Variants in MYOM2 observed in about 807,000 individuals in gnomAD.
MYOM2 encodes the protein myomesin 2.
MYOM2 carries 254 observed loss-of-function variants against 187.6 expected under a neutral mutation model. The ratio of observed to expected loss-of-function variants is 1.35; its 90% CI spans 1.22 to 1.50. The LOEUF is 1.50. Ranked by LOEUF, MYOM2 falls within the 40% of genes most tolerant of loss-of-function variation. MYOM2 has a pLI of 0.00. For missense variants in MYOM2, 2,796 were observed against 1,924.0 expected (o/e 1.45, Z -8.48); for synonymous variants, 981 against 753.8 (o/e 1.30, Z -4.94).
At chr8:2,111,270 T>A (rs534181550) in intron 25 of MYOM2, among the ~76,000 whole-genome samples, 1 of 152,240 alleles carries the variant, frequency 6.6e-6, no homozygotes, top group Non-Finnish European at 1.5e-5. Flanking sequence ...TGCTATTTTG[T>A]GGAAGACATA....
At position 2,109,493 on chromosome 8, in the gene MYOM2, C is replaced by T. The variant is rs140212457; in HGVS notation, c.3142C>T (p.Arg1048Ter). The change falls in exon 25 of 37, where the codon CGA (arginine) becomes TGA (stop). Residue 1048 changes from arginine to a stop codon, truncating the protein, a stop_gained. Coordinates refer to ENST00000262113, the MANE Select transcript of MYOM2 (RefSeq NM_003970.4). LOFTEE classifies it high-confidence loss of function. ...GCACTTATCACCAGATGCCAGCTAC[C>T]GATTTATTATTAACGACAGAGAAGT... ...AEHLSPDASYRFIINDREVSD... is the reference protein window; with the variant it reads ...AEHLSPDASY The T allele has an allele frequency of 3.2e-5, 51 of 1,613,068 alleles. No homozygotes were observed. In the East Asian group the frequency reaches 5.1e-4, roughly 16 times the overall value.
chr8:2,086,800 C>A (rs1266272133), intron 14 of MYOM2, among the ~76,000 whole-genome samples: 1 of 152,162 alleles, frequency 6.6e-6, no homozygotes, highest in East Asian at 1.9e-4. Flanking sequence ...ACATTCCAGG[C>A]GCCTACATGC....
chr8:2,099,567 CA>C (rs1216471997), intron 19 of MYOM2, among the ~76,000 whole-genome samples: 1 of 152,150 alleles, frequency 6.6e-6, no homozygotes, highest in Non-Finnish European at 1.5e-5. Context: ...TGCAGACCTG[CA>C]TTTATTTAGC....
intron 23 of MYOM2, among the ~76,000 whole-genome samples, chr8:2,107,546 G>C (rs995636339): frequency 6.6e-6 from 1 of 152,140 alleles, no homozygotes; most frequent in Non-Finnish European, 1.5e-5. Flanking sequence ...GGTATCCACG[G>C]AGGGGGAAGC....
rs546679235 is a variant in MYOM2 at position 2,071,544 on chromosome 8, A to G, written c.794-801A>G. 4.2e-4 allele frequency among the ~76,000 whole-genome samples: 64 copies of G among 152,270 alleles called. 1 individual carries two copies. The East Asian group carries it at 0.011, about 27-fold the overall frequency. Reference sequence around the variant, plus strand: ...GGAGGCAGCCGTGGCTTCCAAGTCCATGTGACTTGCCAGAAGCCACAGTCT... The same window carrying G: ...GGAGGCAGCCGTGGCTTCCAAGTCCGTGTGACTTGCCAGAAGCCACAGTCT... On this transcript the variant is annotated intron_variant, in intron 8 of 36. Transcript: ENST00000262113.
Position 2,141,059 on chromosome 8 carries a change from G to C in MYOM2, c.3965-82G>C, listed in dbSNP as rs1798257775. The C allele has an allele frequency of 2.8e-6, 4 of 1,414,752 alleles. No individual in the cohort carries two copies. The South Asian group carries it at 5.4e-5, about 19-fold the overall frequency. The allele number at this position is 1,414,752 out of a possible 1,614,324, so 87.6% of individuals were successfully genotyped here. A position where few individuals can be genotyped will look rare whatever the true frequency, so the allele number is the denominator to read the frequency against. On this transcript the variant is annotated intron_variant, in intron 33 of 36. Transcript: ENST00000262113. ...TTTATATATCAGTTTTCATGAACCA[G>C]ATTCACTGGTATAATATTTGAGTGA... is the stretch of plus-strand genomic sequence containing the variant.
intron 1 of MYOM2, among the ~76,000 whole-genome samples, chr8:2,048,574 A>T (rs549899670): frequency 6.6e-6 from 1 of 152,274 alleles, no homozygotes; most frequent in African/African-American, 2.4e-5. Context: ...GGCCAGGGCC[A>T]GGCATGATGC....
chr8:2,100,509 C>T (rs969961000), intron 19 of MYOM2: 8 of 247,614 alleles, frequency 3.2e-5, no homozygotes, highest in African/African-American at 8.8e-5. Context: ...GGTAGGCAGG[C>T]TCCCTGAGTG....
chr8:2,122,704 T>C (rs1731071428), intron 28 of MYOM2, among the ~76,000 whole-genome samples: 1 of 152,242 alleles, frequency 6.6e-6, no homozygotes, highest in African/African-American at 2.4e-5. Flanking sequence ...AATGCTCATT[T>C]ATCTTCGGAG....
At chr8:2,073,057 G>A (rs1819289695) in intron 9 of MYOM2, among the ~76,000 whole-genome samples, 1 of 152,212 alleles carries the variant, frequency 6.6e-6, no homozygotes, top group Admixed American at 6.5e-5. Context: ...GGGCCCCCAG[G>A]TGAACCCAGT....
chr8:2,094,122 T>A, intron 17 of MYOM2, 31 bp downstream of exon 17: 1 of 1,613,444 alleles, frequency 6.2e-7, no homozygotes, highest in East Asian at 2.2e-5. Flanking sequence ...TGTGTGCCGA[T>A]TGCTCCCATA....
intron 8 of MYOM2, among the ~76,000 whole-genome samples, 198 bp from the exon 9 acceptor site, chr8:2,072,147 C>T (rs1053369202): frequency 6.6e-6 from 1 of 152,156 alleles, no homozygotes; most frequent in Non-Finnish European, 1.5e-5. Context: ...GCCCTAATGG[C>T]GTGAACCCGG....
chr8:2,082,373 C>T (rs932120012), intron 13 of MYOM2, among the ~76,000 whole-genome samples: 1 of 150,700 alleles, frequency 6.6e-6, no homozygotes. Context: ...CCTTTTCTAC[C>T]TGTGTCTTTT....
intron 13 of MYOM2, among the ~76,000 whole-genome samples, chr8:2,084,366 C>T (rs1484907480): frequency 1.3e-5 from 2 of 152,206 alleles, no homozygotes; most frequent in Non-Finnish European, 2.9e-5. Context: ...GTACTATTTC[C>T]ATGTTCAGTT....
intron 1 of MYOM2, among the ~76,000 whole-genome samples, chr8:2,046,304 C>T (rs150978115): frequency 4.6e-5 from 7 of 152,334 alleles, no homozygotes; most frequent in African/African-American, 1.2e-4. Context: ...ATATCAGACA[C>T]GTGGTCCCCT....
In MYOM2 at chr8:2,145,178, C is replaced by G; in HGVS notation, c.*197C>G. On this transcript the variant is annotated 3_prime_UTR_variant, in exon 37 of 37. Coordinates refer to ENST00000262113, the MANE Select transcript of MYOM2 (RefSeq NM_003970.4). The stretch of plus-strand genomic sequence containing the variant: ...TAAGGGAGAAAGCTAATGTTTTCCA[C>G]AAGACTGAACAACGTGTATTTACAC... The G allele has an allele frequency of 3.2e-6, 2 of 629,840 alleles. No individual in the cohort carries two copies. The highest frequency in any genetic ancestry group is 3.1e-5 in the Admixed American group (1 of 32,142). 39.0% of individuals were successfully genotyped at this position (629,840 alleles called of 1,614,324 possible). A position where few individuals can be genotyped will look rare whatever the true frequency, so the allele number is the denominator to read the frequency against.
At chr8:2,066,948 G>C (rs1819038665) in intron 6 of MYOM2, among the ~76,000 whole-genome samples, 1 of 152,174 alleles carries the variant, frequency 6.6e-6, no homozygotes, top group Admixed American at 6.5e-5. Context: ...CCTCCACGGT[G>C]AACTAGAAGA....
intron 21 of MYOM2, among the ~76,000 whole-genome samples, chr8:2,103,552 T>A (rs1377150183): frequency 1.3e-5 from 2 of 150,262 alleles, no homozygotes; most frequent in Non-Finnish European, 3.0e-5. Flanking sequence ...TATGGATGGG[T>A]GTATGGATAA....
At chr8:2,047,746 C>T (rs564410492) in intron 1 of MYOM2, among the ~76,000 whole-genome samples, 1 of 152,182 alleles carries the variant, frequency 6.6e-6, no homozygotes, top group Non-Finnish European at 1.5e-5. Flanking sequence ...GGGGAGACTT[C>T]CACAGTAAGG....
Sources: gnomAD v4.1 joint callset for allele counts (sites outside exome capture counted in the v4.1 genomes callset) on GRCh38, gnomAD v4.1.1 for gene constraint, MANE v1.5 for transcripts, NCBI Gene and HGNC (gene_info 2026-07-23, HGNC 2026-07-21) for gene names.